The following UQCC1 variants were observed in gnomAD, a reference collection of about 807,000 sequenced individuals.
UQCC1 encodes the protein bFGF-repressed Zic-binding protein.
In UQCC1, 38 loss-of-function variants were observed where a neutral mutation model predicts 48.0. That is an observed-to-expected ratio of 0.79 (90% confidence interval 0.61 to 1.04). The LOEUF (loss-of-function observed/expected upper bound fraction) is 1.04, where lower values mean the gene tolerates loss of function less well. UQCC1 is among the 50% of genes least tolerant of loss of function. The probability of loss-of-function intolerance (pLI) is 0.00; values close to 1 mark genes in which losing one functional copy is unlikely to be tolerated. For missense variants in UQCC1, 368 were observed against 381.8 expected, an observed-to-expected ratio of 0.96 and a Z score of 0.30; for synonymous variants, 111 against 129.2, an observed-to-expected ratio of 0.86 and a Z score of 0.95.
At chr20:35,410,733 T>A (rs963216184) in intron 1 of UQCC1, among the ~76,000 whole-genome samples, 432 of 15,066 alleles carry the variant, frequency 0.029, no homozygotes, top group East Asian at 0.038. Context: ...AACAAAACCC[T>A]AAAGGGTGGC....
At chr20:35,319,923 G>A (rs764569414) in intron 7 of UQCC1, among the ~76,000 whole-genome samples, 1 of 152,196 alleles carries the variant, frequency 6.6e-6, no homozygotes, top group Non-Finnish European at 1.5e-5. Flanking sequence ...TACAGGGACT[G>A]ATGGGAGATC....
chr20:35,396,832 A>G (rs1176286440), intron 1 of UQCC1, among the ~76,000 whole-genome samples: 2 of 152,222 alleles, frequency 1.3e-5, no homozygotes, highest in Admixed American at 1.3e-4. Flanking sequence ...AGCCATGTAC[A>G]CAGCACTGGA....
At chr20:35,393,493 AACACACACAAACAC>A (rs1383823237) in intron 2 of UQCC1, among the ~76,000 whole-genome samples, 6 of 87,734 alleles carry the variant, frequency 6.8e-5, no homozygotes, top group Admixed American at 1.3e-4. Context: ...CACACACACA[AACACACACAAACAC>A]ACACACACAC....
rs117208057 is a variant in UQCC1, at chr20:35,376,845, C to T, written c.334-2589G>A. On this transcript the variant is annotated intron_variant, in intron 4 of 9. Coordinates refer to ENST00000374385, the MANE Select transcript of UQCC1 (RefSeq NM_018244.5). Reference sequence around the variant, plus strand: ...GGGTGTGGTGGTACGCGCCTGTAGTCCCAGGCTGAGGCAGAAGAATCGCTT... The same window carrying T: ...GGGTGTGGTGGTACGCGCCTGTAGTTCCAGGCTGAGGCAGAAGAATCGCTT... 3.1e-3 allele frequency among the ~76,000 whole-genome samples: 467 copies of T among 151,860 alleles called. 21 individuals carry two copies. In the East Asian group the frequency reaches 0.084, roughly 27 times the overall value.
At chr20:35,403,816 A>T (rs2062205123) in intron 1 of UQCC1, among the ~76,000 whole-genome samples, 1 of 152,224 alleles carries the variant, frequency 6.6e-6, no homozygotes, top group Non-Finnish European at 1.5e-5. Context: ...CAAGGACAGA[A>T]AACCAAACAC....
rs2060897163 is a variant in UQCC1 at position 35,303,892 on chromosome 20, T to C, written c.*43A>G. On this transcript the variant is annotated 3_prime_UTR_variant, in exon 10 of 10. Coordinates refer to ENST00000374385, the MANE Select transcript of UQCC1 (RefSeq NM_018244.5). ...CCAACAGGCACTTCTCTCCTGGAGG[T>C]TCCTCGAAGCCAGCTGGCGGGCCGT... The C allele has an allele frequency of 1.9e-6, 3 of 1,613,646 alleles. No individual in the cohort carries two copies. In the South Asian group the frequency reaches 3.3e-5, roughly 18 times the overall value.
intron 6 of UQCC1, among the ~76,000 whole-genome samples, chr20:35,364,174 C>T (rs1373360333): frequency 6.6e-6 from 1 of 152,192 alleles, no homozygotes; most frequent in Non-Finnish European, 1.5e-5. Flanking sequence ...ATCTAAAATG[C>T]CCACCCTTTC....
intron 4 of UQCC1, among the ~76,000 whole-genome samples, chr20:35,380,542 C>T (rs1310991898): frequency 6.6e-6 from 1 of 152,214 alleles, no homozygotes; most frequent in Non-Finnish European, 1.5e-5. Flanking sequence ...GAAGAAACCA[C>T]AAGTAGAAGT....
intron 7 of UQCC1, among the ~76,000 whole-genome samples, chr20:35,337,333 T>A (rs1181530842): frequency 3.3e-5 from 5 of 151,988 alleles, no homozygotes; most frequent in Non-Finnish European, 7.4e-5. Flanking sequence ...GGACTACAGG[T>A]GCATGCCATC....
At chr20:35,386,981 A>G (rs530007855) in intron 2 of UQCC1, among the ~76,000 whole-genome samples, 1 of 152,214 alleles carries the variant, frequency 6.6e-6, no homozygotes, top group African/African-American at 2.4e-5. Flanking sequence ...TGCTTAGATT[A>G]GAAAATATCA....
intron 6 of UQCC1, among the ~76,000 whole-genome samples, chr20:35,360,015 C>T (rs1453763469): frequency 7.3e-5 from 11 of 151,678 alleles, no homozygotes; most frequent in South Asian, 6.2e-4. Context: ...CACCTGACAA[C>T]GAGCCTCCTC....
Position 35,390,991 on chromosome 20 carries a change from T to G in UQCC1, c.129+3101A>C, listed in dbSNP as rs2062007553. ...TGGGCGGATCACCTCGGATCAGGAG[T>G]TCAAGACCAGCCTGGCCAACGTGGC... On this transcript the variant is annotated intron_variant, in intron 2 of 9. Transcript: ENST00000374385. Among the ~76,000 whole-genome samples the G allele has an allele frequency of 2.7e-5, 4 of 150,654 alleles. No individual in the cohort carries two copies. In the South Asian group the frequency reaches 6.4e-4, roughly 24 times the overall value.
At chr20:35,307,812 T>A (rs1225558038) in intron 8 of UQCC1, among the ~76,000 whole-genome samples, 1 of 152,276 alleles carries the variant, frequency 6.6e-6, no homozygotes, top group East Asian at 1.9e-4. Context: ...ATACAAAGAT[T>A]AGGAGCATGC....
chr20:35,347,003 T>A, intron 7 of UQCC1, 161 bp downstream of exon 7: 1 of 1,558,770 alleles, frequency 6.4e-7, no homozygotes, highest in Non-Finnish European at 8.7e-7. Context: ...AGTATTAGTT[T>A]CCACAGAGGC....
chr20:35,375,947 TA>T (rs11367331), intron 4 of UQCC1, among the ~76,000 whole-genome samples: 42,442 of 64,766 alleles, frequency 0.66, 13,049 homozygotes, highest in East Asian at 0.85. Flanking sequence ...GGACCTTGCC[TA>T]AAAAAAAAAA....
At chr20:35,341,648 G>A (rs1007582643) in intron 7 of UQCC1, among the ~76,000 whole-genome samples, 1 of 152,196 alleles carries the variant, frequency 6.6e-6, no homozygotes, top group African/African-American at 2.4e-5. Flanking sequence ...GAAAGAGTAA[G>A]AGCTGGAAGA....
chr20:35,344,011 A>G (rs1325824024), intron 7 of UQCC1: 1 of 152,254 alleles, frequency 6.6e-6, no homozygotes, highest in African/African-American at 2.4e-5. Context: ...AAATTCCCCA[A>G]TTCCTGCAGG....
At chr20:35,386,446 C>CA in intron 2 of UQCC1, 1 of 430,724 alleles carries the variant, frequency 2.3e-6, no homozygotes, top group Non-Finnish European at 4.6e-6. Flanking sequence ...ACTTTTCTTT[C>CA]CAAACGAGGA....
intron 6 of UQCC1, among the ~76,000 whole-genome samples, chr20:35,361,490 C>T (rs929456222): frequency 4.6e-5 from 7 of 151,992 alleles, no homozygotes; most frequent in African/African-American, 9.7e-5. Flanking sequence ...TAAGAGGGCA[C>T]GAAATAAATT....
Sources: gnomAD v4.1 joint callset for allele counts (sites outside exome capture counted in the v4.1 genomes callset) on GRCh38, gnomAD v4.1.1 for gene constraint, MANE v1.5 for transcripts, NCBI Gene and HGNC (gene_info 2026-07-23, HGNC 2026-07-21) for gene names.